Variants in MOK observed in about 807,000 individuals in gnomAD.
MOK encodes the protein MAPK/MAK/MRK overlapping kinase.
A neutral mutation model predicts 54.2 loss-of-function variants in MOK; 59 were observed. That is an observed-to-expected ratio of 1.09 (90% confidence interval 0.88 to 1.35). MOK has a LOEUF of 1.35. Ranked by LOEUF, MOK falls within the 40% of genes most tolerant of loss-of-function variation. The pLI is 0.00. For synonymous variants in MOK, 210 were observed against 202.7 expected (o/e 1.04, Z -0.31); for missense variants, 517 against 526.2 (o/e 0.98, Z 0.17).
chr14:102,302,293 G>A lies in MOK; in HGVS notation c.7+2669C>T, dbSNP rs553449483. Among the ~76,000 whole-genome samples the A allele has an allele frequency of 1.7e-4, 26 of 149,862 alleles. No homozygotes were observed. The South Asian group carries it at 2.5e-3, about 15-fold the overall frequency. On this transcript the variant is annotated intron_variant, in intron 1 of 11. Transcript: ENST00000361847. ...TCACCATGTTGACCAGGCTGGTCTC[G>A]AACTCCTGACCTCAAGTGATCCACC...
chr14:102,215,441 G>A, the MOK span, among the ~76,000 whole-genome samples: 73 of 152,254 alleles, frequency 4.8e-4, no homozygotes, highest in Middle Eastern at 3.4e-3. Context: ...AGAAGGTAGC[G>A]GCTGGTAGGC....
chr14:102,258,293 C>G (rs1003184769), intron 4 of MOK, among the ~76,000 whole-genome samples: 8 of 152,156 alleles, frequency 5.3e-5, no homozygotes, highest in African/African-American at 1.9e-4. Context: ...TCCTGCAACT[C>G]TCCTTCATGT....
chr14:102,277,034 T>G (rs1458667905), intron 2 of MOK, among the ~76,000 whole-genome samples: 1 of 140,010 alleles, frequency 7.1e-6, no homozygotes, highest in African/African-American at 2.6e-5. Flanking sequence ...TTTTTTTTTG[T>G]AGAGGAAAAA....
chr14:102,281,062 A>C (rs2069368422), intron 2 of MOK, among the ~76,000 whole-genome samples: 1 of 152,024 alleles, frequency 6.6e-6, no homozygotes, highest in Admixed American at 6.6e-5. Flanking sequence ...GGTGGCTCAC[A>C]CCTGTAATCC....
chr14:102,268,902 G>A (rs1464965983), intron 2 of MOK, among the ~76,000 whole-genome samples: 1 of 144,172 alleles, frequency 6.9e-6, no homozygotes, highest in Non-Finnish European at 1.5e-5. Context: ...GCGACAGTGT[G>A]AGACTCCGTC....
At chr14:102,297,448 G>A (rs2071558264) in intron 1 of MOK, among the ~76,000 whole-genome samples, 1 of 152,216 alleles carries the variant, frequency 6.6e-6, no homozygotes, top group Non-Finnish European at 1.5e-5. Flanking sequence ...GATTATTTGA[G>A]GTACCTTTTT....
chr14:102,222,483 C>G (rs1597184912), downstream of MOK, among the ~76,000 whole-genome samples: 1 of 152,194 alleles, frequency 6.6e-6, no homozygotes, highest in Non-Finnish European at 1.5e-5. This position sits in a 1 kb window ranked among gnomAD's most constrained non-coding sequence, Gnocchi z 4.4. Flanking sequence ...GCGCTGAACA[C>G]CTCCCACGAG....
chr14:102,215,023 A>G, the MOK span: 1 of 975,970 alleles, frequency 1.0e-6, no homozygotes, highest in Non-Finnish European at 1.2e-6. Flanking sequence ...AATTTTCAGT[A>G]GTCATTTTCA....
intron 2 of MOK, among the ~76,000 whole-genome samples, chr14:102,268,456 TCA>T (rs1453992830): frequency 6.6e-6 from 1 of 152,156 alleles, no homozygotes; most frequent in African/African-American, 2.4e-5. Flanking sequence ...CAGGTGACAT[TCA>T]GTTTGTTTTT....
In MOK at chr14:102,245,012, C is replaced by T. The variant is rs140625810; in HGVS notation, c.590+5800G>A. Among the ~76,000 whole-genome samples the T allele has an allele frequency of 1.6e-3, 238 of 152,272 alleles. 1 individual carries two copies. The highest frequency in any genetic ancestry group is 5.3e-3 in the African/African-American group (222 of 41,536). ...AACTCACCAACCAAGCAAGTAATTA[C>T]GCTGAACCCCCTTGGGCACTCCCTA... is the stretch of plus-strand genomic sequence containing the variant. On this transcript the variant is annotated intron_variant, in intron 7 of 11. Transcript: ENST00000361847. The surrounding 1 kb of genome is among the most constrained non-coding windows in gnomAD (Gnocchi z 4.3).
intron 2 of MOK, among the ~76,000 whole-genome samples, chr14:102,274,246 C>T (rs2068645711): frequency 6.8e-6 from 1 of 146,554 alleles, no homozygotes; most frequent in African/African-American, 2.6e-5. Context: ...TGTGAGCCAC[C>T]GTACCTGCAT....
chr14:102,268,857 G>A (rs1489312538), intron 2 of MOK, among the ~76,000 whole-genome samples: 2 of 150,540 alleles, frequency 1.3e-5, no homozygotes, highest in Admixed American at 6.6e-5. Flanking sequence ...GGAGCTTGCA[G>A]TAAGCCGAAA....
intron 7 of MOK, chr14:102,234,221 A>G (rs534334217): frequency 7.8e-4 from 134 of 171,390 alleles, no homozygotes; most frequent in African/African-American, 3.1e-3. Context: ...GGACTCGCTC[A>G]CTATCAATCT....
At chr14:102,278,316 G>T (rs2069076056) in intron 2 of MOK, among the ~76,000 whole-genome samples, 1 of 151,640 alleles carries the variant, frequency 6.6e-6, no homozygotes, top group Non-Finnish European at 1.5e-5. Context: ...GATTCTGGCT[G>T]CTGGATACCT....
chr14:102,266,262 T>C (rs2067896126), intron 2 of MOK, among the ~76,000 whole-genome samples: 1 of 151,996 alleles, frequency 6.6e-6, no homozygotes, highest in African/African-American at 2.4e-5. Flanking sequence ...AGATACACTA[T>C]CTGAAAATGA....
the MOK span, among the ~76,000 whole-genome samples, chr14:102,215,792 G>C: frequency 6.6e-6 from 1 of 152,182 alleles, no homozygotes; most frequent in African/African-American, 2.4e-5. Context: ...ACAGGGCAGT[G>C]GGGGACGTTC....
At chr14:102,225,717 T>C (rs933908410), downstream of MOK, 52 of 158,570 alleles carry the variant, frequency 3.3e-4, no homozygotes, top group African/African-American at 1.2e-3. Flanking sequence ...AAGACTGCTC[T>C]GTAGCCAAGT....
At chr14:102,302,096 T>C (rs981270061) in intron 1 of MOK, among the ~76,000 whole-genome samples, 30 of 148,620 alleles carry the variant, frequency 2.0e-4, no homozygotes, top group East Asian at 4.0e-4. Context: ...ACTTTTTTTT[T>C]TTTTTTTGCT....
chr14:102,294,600 C>T (rs556475024), intron 1 of MOK, among the ~76,000 whole-genome samples: 1 of 151,258 alleles, frequency 6.6e-6, no homozygotes, highest in African/African-American at 2.4e-5. Context: ...GAGTGACAGA[C>T]AGCGAGAGAC....
Sources: allele counts gnomAD v4.1 joint callset (sites outside exome capture counted in the v4.1 genomes callset), GRCh38; gene constraint gnomAD v4.1.1; non-coding constraint Gnocchi (gnomAD v3.1); transcripts MANE v1.5; gene names NCBI Gene and HGNC (gene_info 2026-07-23, HGNC 2026-07-21).